CACNA1E: variants seen among roughly 807,000 people sequenced by gnomAD.
CACNA1E encodes the protein calcium voltage-gated channel subunit alpha1 E.
A neutral mutation model predicts 259.2 loss-of-function variants in CACNA1E; 40 were observed. That is an observed-to-expected ratio of 0.15 (90% CI 0.12 to 0.20). The LOEUF (loss-of-function observed/expected upper bound fraction) is 0.20. Ranked by LOEUF, CACNA1E falls within the 10% of genes least tolerant of loss-of-function variation. The pLI, the probability that CACNA1E is intolerant of heterozygous loss-of-function variation, is 1.00. For missense variants in CACNA1E, 1,874 were observed against 3,040.1 expected (o/e 0.62, Z 9.02); for synonymous variants, 1,104 against 1,138.5 (o/e 0.97, Z 0.61).
intron 6 of CACNA1E, among the ~76,000 whole-genome samples, chr1:181,644,859 A>G (rs905273897): frequency 3.9e-5 from 6 of 152,128 alleles, no homozygotes; most frequent in African/African-American, 7.2e-5. Flanking sequence ...TAACTCCTAC[A>G]TTAGGTAGTT....
chr1:181,796,804 G>C lies in CACNA1E; in HGVS notation c.6345G>C (p.Glu2115Asp). ...CCCAGGCTGACTGGGAGTCCCCAGA[G>C]CGCCGTCAATCCAGGTCACCCAGTG... is the stretch of plus-strand genomic sequence containing the variant. ...RGTQADWESPERRQSRSPSEG... is the reference protein window; with the variant it reads ...RGTQADWESPDRRQSRSPSEG... The change falls in exon 47 of 48, where the codon GAG becomes GAC. Residue 2115 changes from glutamate to aspartate, a missense_variant. Transcript: ENST00000367573. The C allele has an allele frequency of 1.2e-6, 2 of 1,610,772 alleles. No individual in the cohort carries two copies. Among genetic ancestry groups the C allele is most frequent in the Non-Finnish European group, 1.7e-6 (2 of 1,178,548 alleles).
rs182219305 is a variant in CACNA1E at position 181,793,881 on chromosome 1, C to T, written c.6027+88C>T. On this transcript the variant is annotated intron_variant, in intron 45 of 47. Coordinates refer to ENST00000367573, the MANE Select transcript of CACNA1E (RefSeq NM_001205293.3). ...TAATATCTGATATTTGCAGGTGAGC[C>T]GTTGACTTGCCCGCACCCCTTCCCT... The T allele has an allele frequency of 2.6e-5, 36 of 1,385,846 alleles. 1 individual carries two copies. Among genetic ancestry groups the T allele is most frequent in the Middle Eastern group, 4.4e-4 (2 of 4,512 alleles). The allele number at this position is 1,385,846 out of a possible 1,614,324, so 85.8% of individuals were successfully genotyped here.
chr1:181,678,689 ATTACG>A (rs1572573468), intron 7 of CACNA1E, among the ~76,000 whole-genome samples: 1 of 152,190 alleles, frequency 6.6e-6, no homozygotes, highest in East Asian at 1.9e-4. Context: ...ATTGTTTTGG[ATTACG>A]GGGCTCAAAT....
Position 181,771,277 on chromosome 1 carries a change from T to G in CACNA1E, c.4882-16T>G. On this transcript the variant is annotated splice_polypyrimidine_tract_variant and intron_variant, in intron 35 of 47. Coordinates refer to ENST00000367573, the MANE Select transcript of CACNA1E (RefSeq NM_001205293.3). ...CTTGGTAATGCTCACTGTTTTCTGT[T>G]GTTTCTCTCCTCAAGGTATTTGGAA... is the stretch of plus-strand genomic sequence containing the variant. The G allele has an allele frequency of 5.6e-6, 8 of 1,435,518 alleles. No individual in the cohort carries two copies. Among genetic ancestry groups the G allele is most frequent in the Non-Finnish European group, 7.7e-6 (8 of 1,036,218 alleles). 88.9% of individuals were successfully genotyped at this position (1,435,518 alleles called of 1,614,324 possible).
chr1:181,713,710 A>G (rs1653618010), intron 8 of CACNA1E, among the ~76,000 whole-genome samples: 1 of 152,134 alleles, frequency 6.6e-6, no homozygotes, highest in African/African-American at 2.4e-5. Context: ...ATGTTTAACG[A>G]GGCCTCTGGC....
intron 2 of CACNA1E, among the ~76,000 whole-genome samples, chr1:181,446,577 C>T (rs1205554938): frequency 6.6e-6 from 1 of 152,190 alleles, no homozygotes. Context: ...ATGCTGAATT[C>T]ATGTTTACAG....
intron 1 of CACNA1E, among the ~76,000 whole-genome samples, chr1:181,388,993 G>A (rs995060216): frequency 1.4e-4 from 22 of 152,120 alleles, no homozygotes; most frequent in Admixed American, 1.1e-3. Context: ...TATAGGGTTA[G>A]GTTTCTGTGA....
At chr1:181,587,248 A>G (rs893046918) in intron 6 of CACNA1E, among the ~76,000 whole-genome samples, 2 of 152,200 alleles carry the variant, frequency 1.3e-5, no homozygotes, top group Non-Finnish European at 2.9e-5. Context: ...AGAAGGTATA[A>G]CATAGTTTTC....
chr1:181,432,483 A>T (rs1020866971), intron 2 of CACNA1E, among the ~76,000 whole-genome samples: 1 of 152,224 alleles, frequency 6.6e-6, no homozygotes, highest in Non-Finnish European at 1.5e-5. Context: ...AAATGTTTTC[A>T]CAAAGACAGT....
chr1:181,482,946 ATGC>A (rs976764367), upstream of CACNA1E, among the ~76,000 whole-genome samples: 4 of 152,240 alleles, frequency 2.6e-5, no homozygotes, highest in African/African-American at 9.6e-5. Context: ...TGCTCTCTGG[ATGC>A]TGCTCAACTT....
intron 7 of CACNA1E, among the ~76,000 whole-genome samples, chr1:181,686,889 G>T (rs1449517231): frequency 6.6e-6 from 1 of 152,158 alleles, no homozygotes; most frequent in Non-Finnish European, 1.5e-5. Flanking sequence ...AGACTGCATT[G>T]ACCTTTTGGA....
chr1:181,712,316 T>C (rs1023234574), intron 8 of CACNA1E, among the ~76,000 whole-genome samples: 2 of 152,238 alleles, frequency 1.3e-5, no homozygotes, highest in African/African-American at 2.4e-5. Flanking sequence ...AGTGATTTCT[T>C]AAATAAAAAC....
intron 6 of CACNA1E, among the ~76,000 whole-genome samples, chr1:181,643,326 A>C (rs1657971408): frequency 6.6e-6 from 1 of 152,194 alleles, no homozygotes; most frequent in Admixed American, 6.5e-5. Flanking sequence ...ATATCACATG[A>C]CATCAATGTT....
intron 2 of CACNA1E, among the ~76,000 whole-genome samples, chr1:181,451,973 C>T (rs528241192): frequency 2.6e-4 from 40 of 152,254 alleles, no homozygotes; most frequent in South Asian, 1.9e-3. Context: ...TTGGGGTAGG[C>T]GAGATAAATG....
intron 1 of CACNA1E, among the ~76,000 whole-genome samples, chr1:181,389,412 A>G (rs1188075610): frequency 6.6e-6 from 1 of 152,002 alleles, no homozygotes; most frequent in East Asian, 1.9e-4. Flanking sequence ...TAATTTTTTC[A>G]CACCCTGCAT....
At position 181,642,715 on chromosome 1, in the gene CACNA1E, T is replaced by C. The variant is rs113836323; in HGVS notation, c.952-8623T>C. On this transcript the variant is annotated intron_variant, in intron 6 of 47. Coordinates refer to ENST00000367573, the MANE Select transcript of CACNA1E (RefSeq NM_001205293.3). ...CTCTCTTAAATTCACCTGCTTTGGC[T>C]GATCTGCATACAGTGGGAGTGGTGT... Among the ~76,000 whole-genome samples the C allele has an allele frequency of 3.2e-3, 493 of 152,314 alleles. 2 individuals carry two copies. The highest frequency in any genetic ancestry group is 0.011 in the African/African-American group (475 of 41,564).
At chr1:181,590,865 C>G (rs146514608) in intron 6 of CACNA1E, among the ~76,000 whole-genome samples, 1 of 152,212 alleles carries the variant, frequency 6.6e-6, no homozygotes, top group African/African-American at 2.4e-5. Context: ...TGATGGCATC[C>G]ATAAATTTTG....
intron 3 of CACNA1E, among the ~76,000 whole-genome samples, chr1:181,553,869 A>G (rs1006752218): frequency 2.0e-5 from 3 of 152,170 alleles, no homozygotes; most frequent in Non-Finnish European, 2.9e-5. Flanking sequence ...ATCGTGGTGG[A>G]TAAGTTTTTT....
At chr1:181,363,913 AG>A (rs749421907) in intron 1 of CACNA1E, among the ~76,000 whole-genome samples, 2 of 152,206 alleles carry the variant, frequency 1.3e-5, no homozygotes, top group Non-Finnish European at 2.9e-5. Context: ...CTTCATCACC[AG>A]AGTTAGAAGT....
Sources: allele counts gnomAD v4.1 joint callset (sites outside exome capture counted in the v4.1 genomes callset), GRCh38; gene constraint gnomAD v4.1.1; transcripts MANE v1.5; gene names NCBI Gene and HGNC (gene_info 2026-07-23, HGNC 2026-07-21).